Variants in PSPC1 observed in about 807,000 individuals in gnomAD.
PSPC1 encodes the protein paraspeckle protein 1.
A neutral mutation model predicts 51.6 loss-of-function variants in PSPC1; 14 were observed. The observed-to-expected ratio is 0.27, with a 90% CI of 0.18 to 0.42. The LOEUF is 0.42. Among genes scored for constraint, PSPC1 ranks in the 10% least tolerant of loss-of-function variants. The pLI, the probability that PSPC1 is intolerant of heterozygous loss-of-function variation, is 1.00. For synonymous variants in PSPC1, 193 were observed against 231.9 expected, an observed-to-expected ratio of 0.83 and a Z score of 1.53; for missense variants, 406 against 701.1, an observed-to-expected ratio of 0.58 and a Z score of 4.75.
chr13:19,746,328 A>G lies in PSPC1; in HGVS notation c.968-4679T>C, dbSNP rs191534218. Among the ~76,000 whole-genome samples, 702 of 151,554 alleles carry G rather than the reference A, an allele frequency of 4.6e-3. 5 individuals are homozygous for G. Among genetic ancestry groups the G allele is most frequent in the South Asian group, 0.027 (128 of 4,802 alleles). ...GAGGCAGGAGAATCACTTGAAACAC[A>G]GAGGCAGAGGTTGCAGCAAGCCGAG... On this transcript the variant is annotated intron_variant, in intron 4 of 8. Coordinates refer to ENST00000338910, the MANE Select transcript of PSPC1 (RefSeq NM_001354909.2).
chr13:19,732,753 CCT>C (rs1436339818), intron 5 of PSPC1, among the ~76,000 whole-genome samples: 2 of 151,912 alleles, frequency 1.3e-5, no homozygotes, highest in African/African-American at 4.8e-5. Flanking sequence ...ATGGTAAAAC[CCT>C]GTCTCTACTA....
chr13:19,768,355 T>A (rs1348379725), intron 2 of PSPC1, among the ~76,000 whole-genome samples: 1 of 151,850 alleles, frequency 6.6e-6, no homozygotes, highest in Non-Finnish European at 1.5e-5. Context: ...CAATTAAAAA[T>A]AACAAGCAGG....
intron 6 of PSPC1, among the ~76,000 whole-genome samples, chr13:19,728,439 AACACACAC>A (rs56662113): frequency 1.4e-3 from 200 of 144,432 alleles, no homozygotes; most frequent in East Asian, 7.9e-3. Context: ...TCAAAGCTTA[AACACACAC>A]ACACACACAC....
chr13:19,680,175 CA>C (rs1877111233), intron 6 of PSPC1, among the ~76,000 whole-genome samples: 1 of 152,050 alleles, frequency 6.6e-6, no homozygotes, highest in Non-Finnish European at 1.5e-5. Flanking sequence ...CTACCGCGCC[CA>C]GCTAATTTTT....
At chr13:19,700,541 GA>G (rs374836381), downstream of PSPC1, among the ~76,000 whole-genome samples, 1,760 of 151,684 alleles carry the variant, frequency 0.012, 33 homozygotes, top group African/African-American at 0.038. Flanking sequence ...CATCTGTCAA[GA>G]AAAAAAATAT....
intron 5 of PSPC1, among the ~76,000 whole-genome samples, chr13:19,730,965 C>CAAAAAAAAAAAA (rs56753561): frequency 2.7e-5 from 1 of 37,302 alleles, no homozygotes; most frequent in African/African-American, 6.9e-5. Flanking sequence ...AACAAAAAAA[C>CAAAAAAAAAAAA]AAAAAAAAAA....
intron 5 of PSPC1, among the ~76,000 whole-genome samples, chr13:19,732,360 A>C (rs1212879183): frequency 6.6e-6 from 1 of 152,298 alleles, no homozygotes; most frequent in Non-Finnish European, 1.5e-5. Flanking sequence ...ATAAAGGTCA[A>C]ATGTGTTGAA....
At chr13:19,728,564 T>C (rs975046682) in intron 6 of PSPC1, among the ~76,000 whole-genome samples, 1 of 152,088 alleles carries the variant, frequency 6.6e-6, no homozygotes, top group Non-Finnish European at 1.5e-5. Context: ...ATGGCCTCAA[T>C]GCATTCTTAA....
intron 2 of PSPC1, among the ~76,000 whole-genome samples, chr13:19,763,117 A>G (rs960101435): frequency 5.9e-5 from 9 of 151,722 alleles, no homozygotes; most frequent in Non-Finnish European, 1.3e-4. Flanking sequence ...AAAAAAAAAA[A>G]CTCAACTTAA....
At chr13:19,750,289 G>A (rs1164470991) in intron 4 of PSPC1, among the ~76,000 whole-genome samples, 3 of 151,868 alleles carry the variant, frequency 2.0e-5, no homozygotes, top group East Asian at 3.9e-4. Context: ...AAAACTAGCC[G>A]GACATTGTGG....
At chr13:19,741,249 AAAAT>A (rs1306580268) in intron 5 of PSPC1, among the ~76,000 whole-genome samples, 1 of 152,202 alleles carries the variant, frequency 6.6e-6, no homozygotes, top group Non-Finnish European at 1.5e-5. Context: ...TACACATAAC[AAAAT>A]AAATAAGAGC....
downstream of PSPC1, among the ~76,000 whole-genome samples, chr13:19,673,809 T>C (rs1056295173): frequency 6.6e-6 from 1 of 152,234 alleles, no homozygotes; most frequent in African/African-American, 2.4e-5. Context: ...ATGATCCCTC[T>C]GGAAAACAAA....
At chr13:19,754,985 C>G (rs1156977619) in intron 3 of PSPC1, among the ~76,000 whole-genome samples, 3 of 152,150 alleles carry the variant, frequency 2.0e-5, no homozygotes, top group Admixed American at 6.6e-5. Context: ...GTAAACCCAA[C>G]ACTTTGAGAG....
intron 5 of PSPC1, among the ~76,000 whole-genome samples, chr13:19,731,978 A>G (rs1238700656): frequency 6.6e-6 from 1 of 152,164 alleles, no homozygotes; most frequent in Non-Finnish European, 1.5e-5. Flanking sequence ...TACTCTTATA[A>G]CGTACTTTTC....
At chr13:19,678,113 T>C in intron 6 of PSPC1, 1 of 281,840 alleles carries the variant, frequency 3.5e-6, no homozygotes, top group Admixed American at 5.0e-5. Flanking sequence ...TGCTAATAAT[T>C]TATTAAGAAT....
At chr13:19,689,942 A>C (rs1404486097) in intron 6 of PSPC1, among the ~76,000 whole-genome samples, 3 of 152,230 alleles carry the variant, frequency 2.0e-5, no homozygotes, top group Non-Finnish European at 4.4e-5. Context: ...ATGATAAAAG[A>C]AGCAAGCAAC....
chr13:19,743,845 C>T (rs1885679448), intron 4 of PSPC1, among the ~76,000 whole-genome samples: 1 of 152,116 alleles, frequency 6.6e-6, no homozygotes, highest in African/African-American at 2.4e-5. Flanking sequence ...TAATGGCTCA[C>T]ACCTGTAATC....
rs1446263106 is a variant in PSPC1, at chr13:19,730,948, AAAAAAAAACAAAAAAAC to A, written c.1053-621_1053-605del. Among the ~76,000 whole-genome samples, 43 of 28,826 alleles carry A rather than the reference AAAAAAAAACAAAAAAAC, an allele frequency of 1.5e-3. 3 individuals are homozygous for A. Among genetic ancestry groups the A allele is most frequent in the Admixed American group, 3.2e-3 (5 of 1,554 alleles). 18.9% of individuals were successfully genotyped at this position (28,826 alleles called of 152,430 possible). ...GGCAACAGTGAGACCCTGTCTCAGA[AAAAAAAAACAAAAAAAC>A]AAAAAAAAAAAAAACAGAAAAAGTC... On this transcript the variant is annotated intron_variant, in intron 5 of 8. Coordinates refer to ENST00000338910, the MANE Select transcript of PSPC1 (RefSeq NM_001354909.2).
At chr13:19,700,340 T>G (rs923158008), downstream of PSPC1, among the ~76,000 whole-genome samples, 2 of 152,134 alleles carry the variant, frequency 1.3e-5, no homozygotes, top group South Asian at 4.1e-4. Context: ...TTCCTATTTT[T>G]ATTAAATGGC....
Sources: gnomAD v4.1 joint callset for allele counts (sites outside exome capture counted in the v4.1 genomes callset) on GRCh38, gnomAD v4.1.1 for gene constraint, MANE v1.5 for transcripts, NCBI Gene and HGNC (gene_info 2026-07-23, HGNC 2026-07-21) for gene names.